Variants in CHEK2 observed in about 807,000 individuals in gnomAD.
CHEK2 encodes checkpoint kinase 2.
CHEK2 carries 71 observed loss-of-function variants against 69.1 expected under a neutral mutation model. The ratio of observed to expected loss-of-function variants is 1.03; its 90% CI spans 0.85 to 1.25. CHEK2 has a LOEUF of 1.25. CHEK2 is among the 50% of genes most tolerant of loss of function. The probability of loss-of-function intolerance (pLI) is 0.00; values close to 1 mark genes in which losing one functional copy is unlikely to be tolerated. For synonymous variants in CHEK2, 189 were observed against 226.9 expected (o/e 0.83, Z 1.50); for missense variants, 664 against 649.6 (o/e 1.02, Z -0.24).
At chr22:28,699,756 G>T (rs1214809565) in intron 9 of CHEK2, 82 bp downstream of exon 9, 1 of 968,988 alleles carries the variant, frequency 1.0e-6, no homozygotes, top group South Asian at 1.3e-5. Context: ...TTTAATCCAC[G>T]GTCCCTCGAT....
rs763174055 is a variant in CHEK2, at chr22:28,696,994, A to C, written c.1009-7T>G. The C allele has an allele frequency of 3.1e-6, 5 of 1,592,440 alleles. No individual in the cohort carries two copies. In the East Asian group the frequency reaches 6.7e-5, roughly 21 times the overall value. On this transcript the variant is annotated splice_polypyrimidine_tract_variant and splice_region_variant and intron_variant, in intron 9 of 14. Transcript: ENST00000404276. ...TACCGTTTTCATGAAGGTACTACAC[A>C]GAAAGGCAGGCATGACCCTCAGATT...
At position 28,712,245 on chromosome 22, in the gene CHEK2, C is replaced by T. The variant is rs1012384878; in HGVS notation, c.684-228G>A. 5.3e-6 allele frequency: 3 copies of T among 564,536 alleles called. No individual in the cohort carries two copies. In the African/African-American group the frequency reaches 5.6e-5, roughly 11 times the overall value. 35.0% of individuals were successfully genotyped at this position (564,536 alleles called of 1,614,324 possible). A position where few individuals can be genotyped will look rare whatever the true frequency, so the allele number is the denominator to read the frequency against. Reference sequence around the variant, plus strand: ...AATTCCATTTCTGAGCCCAGCAATACAAACATGGGTCTTACTGTAGCCCTG... The same window carrying T: ...AATTCCATTTCTGAGCCCAGCAATATAAACATGGGTCTTACTGTAGCCCTG... On this transcript the variant is annotated intron_variant, in intron 5 of 14. Coordinates refer to ENST00000404276, the MANE Select transcript of CHEK2 (RefSeq NM_007194.4).
intron 2 of CHEK2, among the ~76,000 whole-genome samples, chr22:28,728,975 A>AG (rs1194925042): frequency 1.5e-3 from 1 of 678 alleles, no homozygotes; most frequent in Admixed American, 0.029. Flanking sequence ...ACCCTGTCTC[A>AG]AAAAAAAGAA....
At chr22:28,701,952 C>CTT (rs1364194861) in intron 8 of CHEK2, among the ~76,000 whole-genome samples, 1 of 103,462 alleles carries the variant, frequency 9.7e-6, no homozygotes, top group African/African-American at 3.4e-5. Flanking sequence ...ATCCCATATA[C>CTT]TATTTTTTTT....
At chr22:28,695,649 C>T (rs1003902645) in intron 11 of CHEK2, 61 bp downstream of exon 11, 12 of 1,431,314 alleles carry the variant, frequency 8.4e-6, no homozygotes, top group African/African-American at 4.2e-5. Flanking sequence ...GAGCAAGACA[C>T]ATTTGTGACT....
chr22:28,699,715 G>C, intron 9 of CHEK2, 123 bp downstream of exon 9: 1 of 805,244 alleles, frequency 1.2e-6, no homozygotes, highest in Non-Finnish European at 2.2e-6. Flanking sequence ...GCCAAGAAGA[G>C]AACAGCAAAC....
At chr22:28,720,186 G>A (rs2053726806) in intron 4 of CHEK2, among the ~76,000 whole-genome samples, 1 of 150,278 alleles carries the variant, frequency 6.7e-6, no homozygotes, top group Non-Finnish European at 1.5e-5. Context: ...CACCTCCCAG[G>A]TTCAAGCAAT....
intron 8 of CHEK2, 146 bp from the exon 9 acceptor site, chr22:28,700,083 A>T: frequency 3.1e-6 from 2 of 637,398 alleles, no homozygotes; most frequent in Middle Eastern, 5.4e-4. Flanking sequence ...TAAAACTAAT[A>T]AGGTTTATTC....
chr22:28,721,281 G>GTTTT lies in CHEK2; in HGVS notation c.593-1800_593-1797dup, dbSNP rs755378917. ...TGTTTTTTGTTTGTTGTTTGTTTGG[G>GTTTT]TTTTTTTTTTTTTTTTTTTTTTGAG... On this transcript the variant is annotated intron_variant, in intron 4 of 14. Transcript: ENST00000404276. Among the ~76,000 whole-genome samples the GTTTT allele has an allele frequency of 6.3e-3, 693 of 109,906 alleles. 7 individuals are homozygous for GTTTT. The highest frequency in any genetic ancestry group is 8.2e-3 in the Non-Finnish European group (459 of 55,914). The allele number at this position is 109,906 out of a possible 152,430, so 72.1% of individuals were successfully genotyped here.
rs2052185307 is a variant in CHEK2, at chr22:28,687,952, TC to T, written c.1576del (p.Glu526LysfsTer40). 6.3e-7 allele frequency: 1 copy of T among 1,596,258 alleles called. No homozygotes were observed. Among genetic ancestry groups the T allele is most frequent in the Non-Finnish European group, 8.5e-7 (1 of 1,179,756 alleles). ...CTTTGTGGTCTCGGCACCCTCGGCT[TC>T]CCCTTCACGGGGCCGCTTTCGACTA... ...STSRKRPREG[E>X]AEGAETTKRP... On this transcript the variant is annotated frameshift_variant, in exon 15 of 15. Coordinates refer to ENST00000404276, the MANE Select transcript of CHEK2 (RefSeq NM_007194.4). LOFTEE classifies it high-confidence loss of function.
chr22:28,729,820 G>C (rs2054139804), intron 2 of CHEK2, among the ~76,000 whole-genome samples: 1 of 151,966 alleles, frequency 6.6e-6, no homozygotes, highest in Admixed American at 6.6e-5. Flanking sequence ...TGCAATCATA[G>C]CTTGCTGCAG....
At chr22:28,691,974 A>T (rs2052382158) in intron 13 of CHEK2, among the ~76,000 whole-genome samples, 1 of 152,252 alleles carries the variant, frequency 6.6e-6, no homozygotes, top group Non-Finnish European at 1.5e-5. Flanking sequence ...GTCAGTCTTC[A>T]TCCTTGTCTT....
In CHEK2 at chr22:28,703,574, GA is replaced by G. The variant is rs1569128536; in HGVS notation, c.847-9del. ...AATCTTGATGATGCAAGGCTAAGAA[GA>G]GGGGGAGAAAAAAGGGAAAGTAGTG... On this transcript the variant is annotated splice_polypyrimidine_tract_variant and intron_variant, in intron 7 of 14. Coordinates refer to ENST00000404276, the MANE Select transcript of CHEK2 (RefSeq NM_007194.4). 1 of 1,546,814 alleles carries G rather than the reference GA, an allele frequency of 6.5e-7. No individual in the cohort carries two copies. Among genetic ancestry groups the G allele is most frequent in the East Asian group, 2.3e-5 (1 of 44,404 alleles).
intron 10 of CHEK2, among the ~76,000 whole-genome samples, 188 bp downstream of exon 10, chr22:28,696,713 C>T (rs187035173): frequency 6.6e-6 from 1 of 152,280 alleles, no homozygotes; most frequent in East Asian, 1.9e-4. Context: ...CACTTGTACA[C>T]AACAGAGCTC....
chr22:28,724,230 AC>A (rs1456958719), intron 4 of CHEK2, among the ~76,000 whole-genome samples: 1 of 152,066 alleles, frequency 6.6e-6, no homozygotes, highest in Non-Finnish European at 1.5e-5. Flanking sequence ...ACACAGTGAA[AC>A]CCCGTCTCTA....
At chr22:28,703,461 G>T (rs2145875934) in intron 8 of CHEK2, 44 bp downstream of exon 8, 1 of 1,012,440 alleles carries the variant, frequency 9.9e-7, no homozygotes, top group Non-Finnish European at 1.5e-6. Context: ...GCTTTATAAA[G>T]CATTTGAATG....
intron 9 of CHEK2, among the ~76,000 whole-genome samples, chr22:28,699,610 G>A (rs949656750): frequency 5.3e-5 from 8 of 151,332 alleles, no homozygotes; most frequent in East Asian, 3.9e-4. Flanking sequence ...TGATCCGCCC[G>A]CTTGGCCTCC....
intron 5 of CHEK2, chr22:28,712,226 A>G (rs1302815072): frequency 8.5e-6 from 5 of 588,432 alleles, no homozygotes; most frequent in African/African-American, 7.4e-5. Flanking sequence ...TCCAAATTCC[A>G]TTTCTGAGCC....
At chr22:28,705,569 T>C (rs916827295) in intron 7 of CHEK2, among the ~76,000 whole-genome samples, 2 of 152,182 alleles carry the variant, frequency 1.3e-5, no homozygotes, top group African/African-American at 4.8e-5. Context: ...TGTATCATTT[T>C]TATAAGATTC....
Sources: allele counts gnomAD v4.1 joint callset (sites outside exome capture counted in the v4.1 genomes callset), GRCh38; gene constraint gnomAD v4.1.1; transcripts MANE v1.5; gene names NCBI Gene and HGNC (gene_info 2026-07-23, HGNC 2026-07-21).